The following SRRM4 variants were observed in gnomAD, a reference collection of about 807,000 sequenced individuals.
The protein encoded by SRRM4 is serine/arginine repetitive matrix protein 4.
Under a neutral mutation model 68.9 loss-of-function variants are expected in SRRM4, and 33 were observed. The ratio of observed to expected loss-of-function variants is 0.48; its 90% CI spans 0.36 to 0.64. SRRM4 has a LOEUF of 0.64. Ranked by LOEUF, SRRM4 falls within the 30% of genes least tolerant of loss-of-function variation. The pLI is 0.00. For missense variants in SRRM4, 817 were observed against 827.1 expected (o/e 0.99, Z 0.15); for synonymous variants, 318 against 318.8 (o/e 1.00, Z 0.03).
At chr12:118,982,681 T>TTTTTTTTTG (rs1555212616) in intron 1 of SRRM4, among the ~76,000 whole-genome samples, 126 of 116,818 alleles carry the variant, frequency 1.1e-3, no homozygotes, top group African/African-American at 3.6e-3. Context: ...TTTTTTTTGT[T>TTTTTTTTTG]TTTTTTTTTT....
At chr12:119,093,806 T>G (rs1954028190) in intron 1 of SRRM4, among the ~76,000 whole-genome samples, 1 of 152,246 alleles carries the variant, frequency 6.6e-6, no homozygotes, top group Non-Finnish European at 1.5e-5. Context: ...GGAGGCAGCC[T>G]GCATTTTAGG....
chr12:119,071,457 A>G (rs1473866176), intron 1 of SRRM4, among the ~76,000 whole-genome samples: 1 of 152,236 alleles, frequency 6.6e-6, no homozygotes, highest in East Asian at 1.9e-4. Context: ...TACGAAGCAC[A>G]CAGTAAACAG....
At chr12:119,097,407 A>G (rs539255715) in intron 1 of SRRM4, among the ~76,000 whole-genome samples, 1 of 152,324 alleles carries the variant, frequency 6.6e-6, no homozygotes, top group African/African-American at 2.4e-5. Context: ...ATCACAATTC[A>G]TTTGTTCATC....
At chr12:119,125,650 G>A (rs550640635) in intron 7 of SRRM4, among the ~76,000 whole-genome samples, 171 bp downstream of exon 7, 25 of 151,698 alleles carry the variant, frequency 1.6e-4, no homozygotes, top group South Asian at 1.0e-3. Context: ...GCCTGGGTGC[G>A]GTGGCTCACG....
chr12:119,153,047 C>T (rs1485636032), intron 10 of SRRM4, among the ~76,000 whole-genome samples: 1 of 152,160 alleles, frequency 6.6e-6, no homozygotes, highest in Admixed American at 6.5e-5. Context: ...GATAATAGTA[C>T]CTAACCCTAA....
intron 1 of SRRM4, among the ~76,000 whole-genome samples, chr12:119,046,703 TC>T (rs1953709719): frequency 6.6e-6 from 1 of 152,078 alleles, no homozygotes; most frequent in Non-Finnish European, 1.5e-5. Flanking sequence ...CATGGTGAAC[TC>T]TCCATTATCC....
intron 1 of SRRM4, among the ~76,000 whole-genome samples, chr12:119,096,268 C>G (rs1333636215): frequency 2.0e-5 from 3 of 150,632 alleles, no homozygotes; most frequent in African/African-American, 7.3e-5. Context: ...TTCCTGACCT[C>G]GTAATCCGCC....
chr12:118,983,134 C>A (rs1953260998), intron 1 of SRRM4, among the ~76,000 whole-genome samples: 1 of 152,190 alleles, frequency 6.6e-6, no homozygotes, highest in Admixed American at 6.5e-5. Flanking sequence ...TCTGTTCTGG[C>A]ACAACTGATT....
At chr12:119,122,292 C>CAGGAAGGCAGGAAGGAAGGAAGGAAGGA in intron 6 of SRRM4, among the ~76,000 whole-genome samples, 172 bp downstream of exon 6, 1 of 69,726 alleles carries the variant, frequency 1.4e-5, no homozygotes, top group South Asian at 6.2e-4. Flanking sequence ...GGCAGGAAGG[C>CAGGAAGGCAGGAAGGAAGGAAGGAAGGA]AGGAAGGAAG....
At chr12:119,018,276 G>C (rs540633636) in intron 1 of SRRM4, among the ~76,000 whole-genome samples, 1 of 152,288 alleles carries the variant, frequency 6.6e-6, no homozygotes, top group South Asian at 2.1e-4. Flanking sequence ...TGGAAGAAAA[G>C]GGGGGTTTTG....
intron 1 of SRRM4, among the ~76,000 whole-genome samples, chr12:119,015,253 G>C (rs1460635513): frequency 6.6e-6 from 1 of 152,144 alleles, no homozygotes; most frequent in Non-Finnish European, 1.5e-5. Context: ...AATAAAGCCA[G>C]AATCCCTTTT....
chr12:119,117,713 A>C (rs916240319), intron 4 of SRRM4, among the ~76,000 whole-genome samples: 1 of 152,164 alleles, frequency 6.6e-6, no homozygotes, highest in Non-Finnish European at 1.5e-5. Flanking sequence ...GGAGGTCGAG[A>C]CCATCCTGGC....
chr12:119,007,204 G>A (rs149419314), intron 1 of SRRM4, among the ~76,000 whole-genome samples: 1 of 152,314 alleles, frequency 6.6e-6, no homozygotes, highest in African/African-American at 2.4e-5. Context: ...TTAAAAATGT[G>A]CAGAGTCAAA....
At chr12:119,099,515 C>A (rs1165160526) in intron 1 of SRRM4, among the ~76,000 whole-genome samples, 1 of 152,186 alleles carries the variant, frequency 6.6e-6, no homozygotes. Flanking sequence ...GAGCAGATAC[C>A]TGTGTAGAAG....
intron 1 of SRRM4, among the ~76,000 whole-genome samples, chr12:119,093,216 C>T (rs1954025062): frequency 6.6e-6 from 1 of 152,242 alleles, no homozygotes; most frequent in Admixed American, 6.5e-5. Flanking sequence ...CCTACCTCCA[C>T]CCATTGCAGT....
chr12:119,018,569 G>A (rs1953495792), intron 1 of SRRM4, among the ~76,000 whole-genome samples: 1 of 152,196 alleles, frequency 6.6e-6, no homozygotes, highest in East Asian at 1.9e-4. Flanking sequence ...TTCAGTGTTA[G>A]GATGTAGTAT....
chr12:119,156,370 G>A, intron 12 of SRRM4, 125 bp from the exon 13 acceptor site: 1 of 1,389,496 alleles, frequency 7.2e-7, no homozygotes, highest in South Asian at 1.5e-5. Flanking sequence ...AGTGGAAAGG[G>A]AGTATTTTTT....
intron 1 of SRRM4, among the ~76,000 whole-genome samples, chr12:119,074,306 C>T (rs561806865): frequency 6.6e-6 from 1 of 152,126 alleles, no homozygotes; most frequent in South Asian, 2.1e-4. Flanking sequence ...TAAATAGCTC[C>T]AAATAATAGA....
chr12:119,032,093 C>T (rs917195852), intron 1 of SRRM4, among the ~76,000 whole-genome samples: 2 of 151,672 alleles, frequency 1.3e-5, no homozygotes, highest in African/African-American at 4.9e-5. Flanking sequence ...CTCTTTAATC[C>T]ACAGTTCATC....
Sources: allele counts gnomAD v4.1 joint callset (sites outside exome capture counted in the v4.1 genomes callset), GRCh38; gene constraint gnomAD v4.1.1; transcripts MANE v1.5; gene names NCBI Gene and HGNC (gene_info 2026-07-23, HGNC 2026-07-21).